The following TANK variants were observed in gnomAD, a reference collection of about 807,000 sequenced individuals.
TANK encodes TRAF family member-associated NF-kappa-B activator.
Under a neutral mutation model 43.6 loss-of-function variants are expected in TANK, and 15 were observed. The observed-to-expected ratio is 0.34, with a 90% CI of 0.23 to 0.53. The LOEUF is 0.53. TANK is among the 20% of genes least tolerant of loss of function. The pLI, the probability that TANK is intolerant of heterozygous loss-of-function variation, is 0.94. For synonymous variants in TANK, 162 were observed against 178.2 expected (o/e 0.91, Z 0.73); for missense variants, 417 against 498.6 (o/e 0.84, Z 1.56).
chr2:161,201,299 A>G, intron 2 of TANK: 1 of 900,710 alleles, frequency 1.1e-6, no homozygotes, highest in Non-Finnish European at 1.3e-6. Context: ...TTATTTATTT[A>G]TTGTAATATC....
chr2:161,147,519 G>A (rs768728114), intron 1 of TANK, among the ~76,000 whole-genome samples: 1 of 152,198 alleles, frequency 6.6e-6, no homozygotes, highest in Non-Finnish European at 1.5e-5. Context: ...TTCCCAGGCT[G>A]GGTAGCACAC....
intron 2 of TANK, among the ~76,000 whole-genome samples, chr2:161,195,817 A>G (rs1686121896): frequency 6.6e-6 from 1 of 152,210 alleles, no homozygotes; most frequent in Non-Finnish European, 1.5e-5. Context: ...GCAGTGGCTC[A>G]TACCTGTAAT....
chr2:161,220,829 ATATCC>A (rs1272632971), intron 4 of TANK, among the ~76,000 whole-genome samples: 1 of 152,224 alleles, frequency 6.6e-6, no homozygotes, highest in Non-Finnish European at 1.5e-5. Flanking sequence ...GATATCTAAC[ATATCC>A]TAGAATGGGA....
chr2:161,178,417 A>G (rs1163388367), intron 1 of TANK, among the ~76,000 whole-genome samples: 1 of 152,008 alleles, frequency 6.6e-6, no homozygotes, highest in Non-Finnish European at 1.5e-5. Flanking sequence ...CATGTATTGT[A>G]TTATTCCATT....
chr2:161,202,192 T>C (rs1376230929), intron 2 of TANK, among the ~76,000 whole-genome samples: 1 of 141,458 alleles, frequency 7.1e-6, no homozygotes, highest in Non-Finnish European at 1.5e-5. Flanking sequence ...CTTTTTTTTT[T>C]TTTTTTTTTT....
chr2:161,231,636 T>C, intron 7 of TANK, 85 bp downstream of exon 7: 1 of 1,236,338 alleles, frequency 8.1e-7, no homozygotes. Flanking sequence ...TCTTTTACGT[T>C]ATCAAACATC....
chr2:161,197,129 A>G (rs1192378343), intron 2 of TANK, among the ~76,000 whole-genome samples: 4 of 152,204 alleles, frequency 2.6e-5, no homozygotes, highest in Admixed American at 2.0e-4. Flanking sequence ...TGATACTGCC[A>G]TGTTTTACTT....
chr2:161,191,464 C>A (rs915282501), intron 2 of TANK, among the ~76,000 whole-genome samples: 1 of 152,162 alleles, frequency 6.6e-6, no homozygotes, highest in African/African-American at 2.4e-5. Flanking sequence ...TTAATGTCAT[C>A]ATCTTCATCA....
chr2:161,179,993 A>G lies in TANK; in HGVS notation c.99+232A>G, dbSNP rs542867658. ...ATGGGCTCCTTTTCAGGTGATTGTG[A>G]AAGATTGTGAATGTTGTCTTCCATA... On this transcript the variant is annotated intron_variant, in intron 2 of 7. Coordinates refer to ENST00000392749, the MANE Select transcript of TANK (RefSeq NM_001199135.3). 9.8e-5 allele frequency: 118 copies of G among 1,199,470 alleles called. 1 individual carries two copies. In the African/African-American group the frequency reaches 1.6e-3, roughly 16 times the overall value. The allele number at this position is 1,199,470 out of a possible 1,614,324, so 74.3% of individuals were successfully genotyped here.
At position 161,231,180 on chromosome 2, in the gene TANK, A is replaced by G; in HGVS notation, c.730A>G (p.Thr244Ala). The change falls in exon 7 of 8, where the codon ACT (threonine) becomes GCT (alanine). Residue 244 changes from threonine to alanine, a missense_variant. Thr to Ala is a moderately conservative substitution (Grantham distance 58). Transcript: ENST00000392749. ...GTTTCCACCTATGGACAATGACTCA[A>G]CTTTCTTACATAGCACTCCAGAGAG... Reference protein sequence around the residue: ...VKFPPMDNDSTFLHSTPERPG... With the variant: ...VKFPPMDNDSAFLHSTPERPG... 1 of 1,613,994 alleles carries G rather than the reference A, an allele frequency of 6.2e-7. No homozygotes were observed. The highest frequency in any genetic ancestry group is 8.5e-7 in the Non-Finnish European group (1 of 1,180,030).
intron 7 of TANK, chr2:161,232,700 C>T (rs1316944698): frequency 2.6e-6 from 4 of 1,525,704 alleles, no homozygotes; most frequent in Admixed American, 2.1e-5. Context: ...TTACTTTTTT[C>T]TCTATTATAT....
At chr2:161,212,063 C>CT (rs11375138) in intron 4 of TANK, 142,878 of 632,244 alleles carry the variant, frequency 0.23, 3,034 homozygotes, top group African/African-American at 0.27. Context: ...AATACATAAA[C>CT]TTTTTTTTTT....
intron 1 of TANK, among the ~76,000 whole-genome samples, chr2:161,144,236 G>A (rs541883233): frequency 2.0e-5 from 3 of 151,876 alleles, no homozygotes; most frequent in Admixed American, 6.6e-5. Flanking sequence ...CATCTATTTT[G>A]TAAACTTTTT....
At position 161,182,670 on chromosome 2, in the gene TANK, G is replaced by A. The variant is rs1429387478; in HGVS notation, c.99+2909G>A. ...ATGTTCAGCTCCCCAGAAGTTCCCT[G>A]AACCCTGTCCTTTGGGGCTTCTATG... On this transcript the variant is annotated intron_variant, in intron 2 of 7. Coordinates refer to ENST00000392749, the MANE Select transcript of TANK (RefSeq NM_001199135.3). 2.0e-5 allele frequency among the ~76,000 whole-genome samples: 3 copies of A among 152,168 alleles called. No homozygotes were observed. The East Asian group carries it at 5.8e-4, about 29-fold the overall frequency.
intron 1 of TANK, among the ~76,000 whole-genome samples, chr2:161,165,600 A>G (rs1684642374): frequency 6.6e-6 from 1 of 152,184 alleles, no homozygotes; most frequent in Non-Finnish European, 1.5e-5. Context: ...GGATTGTAAT[A>G]CATGTTCCTT....
intron 1 of TANK, among the ~76,000 whole-genome samples, chr2:161,173,851 C>A (rs911726221): frequency 4.6e-5 from 7 of 152,000 alleles, no homozygotes; most frequent in African/African-American, 1.7e-4. Context: ...CCTTTAGAGA[C>A]CCACAAAACA....
At chr2:161,216,038 A>C (rs1327383864) in intron 4 of TANK, among the ~76,000 whole-genome samples, 1 of 152,134 alleles carries the variant, frequency 6.6e-6, no homozygotes, top group Non-Finnish European at 1.5e-5. Context: ...AATAATTCTA[A>C]GACGAGCATC....
chr2:161,193,621 G>C (rs78113367), intron 2 of TANK, among the ~76,000 whole-genome samples: 6 of 152,198 alleles, frequency 3.9e-5, no homozygotes, highest in Non-Finnish European at 5.9e-5. Context: ...GACTAGAACA[G>C]GGCTAGTAAG....
At chr2:161,139,200 G>T (rs1683672568) in intron 1 of TANK, among the ~76,000 whole-genome samples, 1 of 152,010 alleles carries the variant, frequency 6.6e-6, no homozygotes, top group Admixed American at 6.6e-5. Flanking sequence ...AGAATTTCTG[G>T]AACAGTGTTT....
Sources: gnomAD v4.1 joint callset for allele counts (sites outside exome capture counted in the v4.1 genomes callset) on GRCh38, gnomAD v4.1.1 for gene constraint, MANE v1.5 for transcripts, NCBI Gene and HGNC (gene_info 2026-07-23, HGNC 2026-07-21) for gene names.